LRRC75A: variants seen among roughly 807,000 people sequenced by gnomAD.
LRRC75A encodes leucine rich repeat containing 75A.
Under a neutral mutation model 26.0 loss-of-function variants are expected in LRRC75A, and 12 were observed. The ratio of observed to expected loss-of-function variants is 0.46; its 90% CI spans 0.30 to 0.75. The LOEUF is 0.75. Among genes scored for constraint, LRRC75A ranks in the 30% least tolerant of loss-of-function variants. The pLI is 0.08. For missense variants in LRRC75A, 410 were observed against 486.6 expected (o/e 0.84, Z 1.48); for synonymous variants, 223 against 219.3 (o/e 1.02, Z -0.15).
intron 1 of LRRC75A, among the ~76,000 whole-genome samples, chr17:16,468,008 T>C (rs1171096500): frequency 6.6e-6 from 1 of 152,186 alleles, no homozygotes; most frequent in Non-Finnish European, 1.5e-5. Flanking sequence ...ACTTAACTTC[T>C]CTGGCCAATC....
chr17:16,458,420 T>G (rs1001585459), intron 2 of LRRC75A, among the ~76,000 whole-genome samples: 1 of 152,048 alleles, frequency 6.6e-6, no homozygotes, highest in African/African-American at 2.4e-5. Context: ...AGCAGTCCCA[T>G]GGAGAGGCTA....
intron 1 of LRRC75A, among the ~76,000 whole-genome samples, chr17:16,471,422 A>G (rs1451105148): frequency 1.3e-5 from 2 of 152,224 alleles, no homozygotes; most frequent in Non-Finnish European, 2.9e-5. Context: ...AGATTGGATC[A>G]GGACAGAGGT....
chr17:16,464,951 C>T (rs1293903922), intron 1 of LRRC75A, among the ~76,000 whole-genome samples: 3 of 152,224 alleles, frequency 2.0e-5, no homozygotes. Flanking sequence ...GGTTTGCCAG[C>T]CAGTCCCTGC....
intron 1 of LRRC75A, among the ~76,000 whole-genome samples, chr17:16,488,114 G>A (rs1211205900): frequency 6.6e-6 from 1 of 152,318 alleles, no homozygotes; most frequent in African/African-American, 2.4e-5. Flanking sequence ...TCACCCTCAA[G>A]GTGGCCTGGC....
rs1325462813 is a variant in LRRC75A, at chr17:16,491,332, C to T, written c.246+413G>A. ...TCTCGGGAAGCCAAGCCAGGTCCAACTGATAACCGCATTCCTTGAGGACCC... is the reference window on the plus strand; with the variant it reads ...TCTCGGGAAGCCAAGCCAGGTCCAATTGATAACCGCATTCCTTGAGGACCC... On this transcript the variant is annotated intron_variant, in intron 1 of 3. Transcript: ENST00000470794. The surrounding 1 kb of genome is among the most constrained non-coding windows in gnomAD (Gnocchi z 5.9). 6.6e-6 allele frequency among the ~76,000 whole-genome samples: 1 copy of T among 152,212 alleles called. No individual in the cohort carries two copies. Among genetic ancestry groups the T allele is most frequent in the Non-Finnish European group, 1.5e-5 (1 of 68,032 alleles).
intron 2 of LRRC75A, among the ~76,000 whole-genome samples, chr17:16,452,472 C>T (rs934751326): frequency 1.3e-5 from 2 of 151,562 alleles, no homozygotes; most frequent in African/African-American, 2.4e-5. Context: ...GAGTCTCACT[C>T]TGTTGCCCAG....
intron 1 of LRRC75A, among the ~76,000 whole-genome samples, chr17:16,475,010 A>AG (rs1437845102): frequency 1.3e-5 from 2 of 151,822 alleles, no homozygotes; most frequent in Non-Finnish European, 2.9e-5. Context: ...AAAAAAAAAA[A>AG]AGAGAGAAAC....
intron 2 of LRRC75A, among the ~76,000 whole-genome samples, chr17:16,455,774 G>T (rs73980134): frequency 1.3e-5 from 2 of 152,220 alleles, no homozygotes; most frequent in Non-Finnish European, 2.9e-5. Flanking sequence ...CTCCCAGCTT[G>T]TAAGACGGAG....
At chr17:16,476,198 T>A in intron 1 of LRRC75A, among the ~76,000 whole-genome samples, 1 of 149,066 alleles carries the variant, frequency 6.7e-6, no homozygotes, top group Non-Finnish European at 1.5e-5. Context: ...CATCTCAAAA[T>A]AATAATAATA....
chr17:16,443,592 G>T lies in LRRC75A; in HGVS notation c.1031C>A (p.Thr344Lys). ...EGKETVAAAQ[T>K] ...GTGAGGCCCTTCACTTCCATGTCAC[G>T]TCTGAGCTGCAGCTACAGTCTCCTT... Residue 344 changes from threonine (T) to lysine (K), a missense_variant, in exon 4 of 4, where the codon ACG becomes AAG. Coordinates refer to ENST00000470794, the MANE Select transcript of LRRC75A (RefSeq NM_001113567.3). 6.6e-7 allele frequency: 1 copy of T among 1,521,460 alleles called. No homozygotes were observed. The highest frequency in any genetic ancestry group is 8.9e-7 in the Non-Finnish European group (1 of 1,126,048). The allele number at this position is 1,521,460 out of a possible 1,614,324, so 94.2% of individuals were successfully genotyped here.
At chr17:16,480,481 T>G (rs988935379) in intron 1 of LRRC75A, among the ~76,000 whole-genome samples, 4 of 151,818 alleles carry the variant, frequency 2.6e-5, no homozygotes, top group African/African-American at 9.7e-5. Flanking sequence ...ATACAAAAAT[T>G]AGCCGGGCAT....
rs749950024 is a variant in LRRC75A at position 16,480,629 on chromosome 17, C to CAAAAAA, written c.246+11110_246+11115dup. Among the ~76,000 whole-genome samples, 40 of 81,418 alleles carry CAAAAAA rather than the reference C, an allele frequency of 4.9e-4. 1 individual carries two copies. The highest frequency in any genetic ancestry group is 1.7e-3 in the African/African-American group (36 of 21,718). The allele number at this position is 81,418 out of a possible 152,430, so 53.4% of individuals were successfully genotyped here. ...GGGCAACAAGAGCGAGACTTCGTCT[C>CAAAAAA]AAAAAAAAAAAAACAAAAAAAAAAA... On this transcript the variant is annotated intron_variant, in intron 1 of 3. Transcript: ENST00000470794.
At chr17:16,490,040 T>C (rs759306011) in intron 1 of LRRC75A, among the ~76,000 whole-genome samples, 3 of 152,184 alleles carry the variant, frequency 2.0e-5, no homozygotes, top group Admixed American at 1.3e-4. Context: ...CCCCAGGATG[T>C]GGAATCACAC....
Position 16,480,214 on chromosome 17 carries a change from C to T in LRRC75A, c.246+11531G>A, listed in dbSNP as rs545481710. ...ATAATTATTTCATTATATTACAATG[C>T]GGTAATAACAGAAATAAAGTACACA... On this transcript the variant is annotated intron_variant, in intron 1 of 3. Transcript: ENST00000470794. Among the ~76,000 whole-genome samples, 137 of 152,220 alleles carry T rather than the reference C, an allele frequency of 9.0e-4. 2 individuals are homozygous for T. Among genetic ancestry groups the T allele is most frequent in the Non-Finnish European group, 7.2e-4 (49 of 68,020 alleles).
chr17:16,489,220 A>T (rs1366146546), intron 1 of LRRC75A, among the ~76,000 whole-genome samples: 1 of 152,214 alleles, frequency 6.6e-6, no homozygotes, highest in Non-Finnish European at 1.5e-5. Context: ...ACACAAATCC[A>T]GCAGCCAAAC....
In LRRC75A at chr17:16,480,357, C is replaced by T. The variant is rs945195702; in HGVS notation, c.246+11388G>A. On this transcript the variant is annotated intron_variant, in intron 1 of 3. Coordinates refer to ENST00000470794, the MANE Select transcript of LRRC75A (RefSeq NM_001113567.3). ...AAGATTGGAGACCGCTGCCCGGGCACGGTGGCTCATGCCTGTAATCCTAGC... is the reference window on the plus strand; with the variant it reads ...AAGATTGGAGACCGCTGCCCGGGCATGGTGGCTCATGCCTGTAATCCTAGC... 2.9e-4 allele frequency among the ~76,000 whole-genome samples: 44 copies of T among 152,114 alleles called. 1 individual carries two copies. Among genetic ancestry groups the T allele is most frequent in the Admixed American group, 1.8e-3 (28 of 15,276 alleles).
intron 3 of LRRC75A, 80 bp from the exon 4 acceptor site, chr17:16,444,211 C>G: frequency 8.3e-7 from 1 of 1,199,724 alleles, no homozygotes. Flanking sequence ...AGCCTCTGCT[C>G]GGCTCTCCGA....
intron 1 of LRRC75A, among the ~76,000 whole-genome samples, chr17:16,476,803 A>G (rs1308640864): frequency 1.4e-5 from 2 of 143,318 alleles, no homozygotes; most frequent in Non-Finnish European, 1.5e-5. Flanking sequence ...CAGTAGCACA[A>G]TCTCGGCTCA....
At position 16,448,417 on chromosome 17, in the gene LRRC75A, T is replaced by C. The variant is rs1254761221; in HGVS notation, c.376-457A>G. 3.8e-5 allele frequency: 7 copies of C among 181,838 alleles called. No homozygotes were observed. The South Asian group carries it at 6.0e-4, about 16-fold the overall frequency. 11.3% of individuals were successfully genotyped at this position (181,838 alleles called of 1,614,324 possible). A position where few individuals can be genotyped will look rare whatever the true frequency, so the allele number is the denominator to read the frequency against. On this transcript the variant is annotated intron_variant, in intron 2 of 3. Coordinates refer to ENST00000470794, the MANE Select transcript of LRRC75A (RefSeq NM_001113567.3). ...AATGTTCGTGTCCTTGTATTTCACA[T>C]AGTAAAGGGGAAAATGAGATATTTT...
Sources: gnomAD v4.1 joint callset for allele counts (sites outside exome capture counted in the v4.1 genomes callset) on GRCh38, gnomAD v4.1.1 for gene constraint, Gnocchi (gnomAD v3.1) non-coding constraint, MANE v1.5 for transcripts, NCBI Gene and HGNC (gene_info 2026-07-23, HGNC 2026-07-21) for gene names.